The following CNGB1 variants were observed in gnomAD, a reference collection of about 807,000 sequenced individuals.
The protein encoded by CNGB1 is cyclic nucleotide-gated channel beta-1.
A neutral mutation model predicts 151.7 loss-of-function variants in CNGB1; 126 were observed. The ratio of observed to expected loss-of-function variants is 0.83; its 90% CI spans 0.72 to 0.96. The LOEUF is 0.96. CNGB1 is among the 40% of genes least tolerant of loss of function. The pLI is 0.00. For missense variants in CNGB1, 1,698 were observed against 1,627.0 expected (o/e 1.04, Z -0.75); for synonymous variants, 623 against 635.1 (o/e 0.98, Z 0.29).
intron 7 of CNGB1, 64 bp from the exon 8 acceptor site, chr16:57,960,979 C>T: frequency 1.3e-6 from 2 of 1,489,246 alleles, no homozygotes; most frequent in South Asian, 2.3e-5. Context: ...TAACAGCCCA[C>T]CTCGGGGCCA....
chr16:57,882,787 TTTTTC>T lies in CNGB1; in HGVS notation c.*1372_*1376del, dbSNP rs1420098215. The T allele has an allele frequency of 7.1e-6, 1 of 141,434 alleles. No individual in the cohort carries two copies. The allele number at this position is 141,434 out of a possible 1,614,324, so 8.8% of individuals were successfully genotyped here. A position where few individuals can be genotyped will look rare whatever the true frequency, so the allele number is the denominator to read the frequency against. ...TCCCTGAATGACCCTTTTTTCTTTTTTTTTCTTTTTTCTTTTTTTTTTTTTGTCTG... is the reference window on the plus strand; with the variant it reads ...TCCCTGAATGACCCTTTTTTCTTTTTTTTTTTCTTTTTTTTTTTTTGTCTG... On this transcript the variant is annotated 3_prime_UTR_variant, in exon 33 of 33. Coordinates refer to ENST00000251102, the MANE Select transcript of CNGB1 (RefSeq NM_001297.5).
chr16:57,925,922 A>G (rs1961173346), intron 17 of CNGB1, among the ~76,000 whole-genome samples: 1 of 152,154 alleles, frequency 6.6e-6, no homozygotes, highest in Non-Finnish European at 1.5e-5. Flanking sequence ...TCCTGACCTC[A>G]GGTGATCTGC....
intron 2 of CNGB1, among the ~76,000 whole-genome samples, chr16:57,965,363 G>T (rs1027316643): frequency 1.3e-5 from 2 of 152,118 alleles, no homozygotes; most frequent in Non-Finnish European, 2.9e-5. Flanking sequence ...ATATGCAAAC[G>T]TGCATATACA....
At chr16:57,923,518 T>C in intron 17 of CNGB1, 138 bp from the exon 18 acceptor site, 1 of 711,068 alleles carries the variant, frequency 1.4e-6, no homozygotes, top group Non-Finnish European at 2.4e-6. Flanking sequence ...AACTTCTGAG[T>C]CCTCATTTGC....
intron 17 of CNGB1, among the ~76,000 whole-genome samples, chr16:57,929,269 G>A (rs1961275320): frequency 1.3e-5 from 2 of 152,188 alleles, no homozygotes; most frequent in African/African-American, 4.8e-5. Context: ...ATCGTTGGGT[G>A]TATTAGTCCA....
intron 14 of CNGB1, among the ~76,000 whole-genome samples, chr16:57,945,526 C>T (rs1419213885): frequency 6.6e-6 from 1 of 152,214 alleles, no homozygotes; most frequent in African/African-American, 2.4e-5. Context: ...ATTTGCCTGG[C>T]CTGTGCAGCC....
At position 57,969,575 on chromosome 16, in the gene CNGB1, C is replaced by A. The variant is rs374199516; in HGVS notation, c.-9+1485G>T. ...GGAGATTGCACTCAGCCATTGCACT[C>A]CAGCCTGGTCGACAGAGTAAGACCC... On this transcript the variant is annotated intron_variant, in intron 1 of 32. Transcript: ENST00000251102. Among the ~76,000 whole-genome samples the A allele has an allele frequency of 5.0e-4, 76 of 152,306 alleles. 2 individuals are homozygous for A. In the South Asian group the frequency reaches 0.012, roughly 25 times the overall value.
chr16:57,970,927 C>T (rs988979830), intron 1 of CNGB1, 133 bp downstream of exon 1: 5 of 152,088 alleles, frequency 3.3e-5, no homozygotes, highest in Non-Finnish European at 7.4e-5. Flanking sequence ...CGCTAAAGTC[C>T]AAGCTCCACC....
At chr16:57,963,877 G>A in intron 4 of CNGB1, 1 of 570,816 alleles carries the variant, frequency 1.8e-6, no homozygotes, top group Non-Finnish European at 3.1e-6. Flanking sequence ...AATGAATAGG[G>A]TGAATGGAGA....
At chr16:57,964,337 T>C (rs1357028352) in intron 3 of CNGB1, 135 bp from the exon 4 acceptor site, 2 of 1,354,026 alleles carry the variant, frequency 1.5e-6, no homozygotes, top group African/African-American at 2.9e-5. Flanking sequence ...TCAGCTCAAC[T>C]GAAGTCTCTG....
intron 25 of CNGB1, among the ~76,000 whole-genome samples, chr16:57,910,867 T>C (rs1960692520): frequency 6.6e-6 from 1 of 152,100 alleles, no homozygotes; most frequent in Non-Finnish European, 1.5e-5. Flanking sequence ...TGCACACATG[T>C]CATCAGGAAC....
chr16:57,932,585 G>C (rs1255594755), intron 16 of CNGB1, among the ~76,000 whole-genome samples: 1 of 147,718 alleles, frequency 6.8e-6, no homozygotes, highest in African/African-American at 2.5e-5. Flanking sequence ...GTTTTGTTTT[G>C]TTTTGTTTTT....
At chr16:57,940,361 G>A (rs1446969705) in intron 14 of CNGB1, 40 bp from the exon 15 acceptor site, 1 of 1,546,212 alleles carries the variant, frequency 6.5e-7, no homozygotes, top group Non-Finnish European at 8.8e-7. Context: ...AAAGGACTGG[G>A]TTAGGGTGTT....
intron 29 of CNGB1, among the ~76,000 whole-genome samples, chr16:57,900,698 C>A (rs1283870092): frequency 6.6e-6 from 1 of 152,132 alleles, no homozygotes; most frequent in African/African-American, 2.4e-5. Context: ...ACGATGTCCC[C>A]CTTTGGGGCA....
chr16:57,917,190 A>G, intron 21 of CNGB1, 78 bp downstream of exon 21: 1 of 1,183,576 alleles, frequency 8.4e-7, no homozygotes, highest in Non-Finnish European at 1.2e-6. Flanking sequence ...CTATGACAGC[A>G]TCAGGGGTCA....
rs1157212293 is a variant in CNGB1 at position 57,951,687 on chromosome 16, C to T, written c.875-1147G>A. On this transcript the variant is annotated intron_variant, in intron 12 of 32. Coordinates refer to ENST00000251102, the MANE Select transcript of CNGB1 (RefSeq NM_001297.5). ...GCTGAATGGCTTACGTGGAATAACT[C>T]GATTAGTCCTCACATCAACATTTTG... is the stretch of plus-strand genomic sequence containing the variant. Among the ~76,000 whole-genome samples the T allele has an allele frequency of 2.0e-5, 3 of 152,188 alleles. No individual in the cohort carries two copies. In the East Asian group the frequency reaches 5.8e-4, roughly 29 times the overall value.
intron 9 of CNGB1, 78 bp from the exon 10 acceptor site, chr16:57,960,143 G>A (rs1962205756): frequency 1.3e-5 from 20 of 1,525,860 alleles, no homozygotes; most frequent in Middle Eastern, 2.1e-4. Flanking sequence ...CACGGGGCCA[G>A]ATTCGAGTCG....
At chr16:57,889,831 C>G (rs1435532759) in intron 31 of CNGB1, among the ~76,000 whole-genome samples, 1 of 152,138 alleles carries the variant, frequency 6.6e-6, no homozygotes, top group Non-Finnish European at 1.5e-5. Context: ...GATTACAAAA[C>G]GACATTGCAT....
intron 19 of CNGB1, 109 bp from the exon 20 acceptor site, chr16:57,919,363 G>A: frequency 1.3e-6 from 2 of 1,595,854 alleles, no homozygotes; most frequent in Non-Finnish European, 8.5e-7. Flanking sequence ...AGAGGACCCT[G>A]GCACCATTAT....
Sources: allele counts gnomAD v4.1 joint callset (sites outside exome capture counted in the v4.1 genomes callset), GRCh38; gene constraint gnomAD v4.1.1; transcripts MANE v1.5; gene names NCBI Gene and HGNC (gene_info 2026-07-23, HGNC 2026-07-21).